Variants in GRM5 observed in about 807,000 individuals in gnomAD.
GRM5 encodes metabotropic glutamate receptor 5.
In GRM5, 19 loss-of-function variants were observed where a neutral mutation model predicts 83.1. That is an observed-to-expected ratio of 0.23 (90% CI 0.16 to 0.34). The LOEUF (loss-of-function observed/expected upper bound fraction) is 0.34, where lower values mean the gene tolerates loss of function less well. Among genes scored for constraint, GRM5 ranks in the 10% least tolerant of loss-of-function variants. The pLI is 1.00. For synonymous variants in GRM5, 675 were observed against 633.6 expected (o/e 1.07, Z -0.98); for missense variants, 1,160 against 1,588.3 (o/e 0.73, Z 4.58).
intron 2 of GRM5, among the ~76,000 whole-genome samples, chr11:88,872,109 C>T (rs193051099): frequency 7.1e-4 from 108 of 151,438 alleles, no homozygotes; most frequent in Middle Eastern, 3.4e-3. Context: ...CAGAGAGGAA[C>T]AAATTAACAT....
intron 2 of GRM5, among the ~76,000 whole-genome samples, chr11:89,030,115 T>C (rs1206698739): frequency 6.6e-6 from 1 of 152,138 alleles, no homozygotes; most frequent in Admixed American, 6.6e-5. Context: ...TTCAAAATAA[T>C]ACAATGACAA....
At position 89,037,264 on chromosome 11, in the gene GRM5, T is replaced by C. The variant is rs781328343; in HGVS notation, c.661+9948A>G. 7.2e-5 allele frequency among the ~76,000 whole-genome samples: 11 copies of C among 152,228 alleles called. No homozygotes were observed. In the South Asian group the frequency reaches 1.4e-3, roughly 20 times the overall value. On this transcript the variant is annotated intron_variant, in intron 2 of 9. Coordinates refer to ENST00000305447, the MANE Select transcript of GRM5 (RefSeq NM_001143831.3). Reference sequence around the variant, plus strand: ...TTTTGGCATTTATTTCTTAGTGTACTACATTGGGATATTAAAAATTAAAAT... The same window carrying C: ...TTTTGGCATTTATTTCTTAGTGTACCACATTGGGATATTAAAAATTAAAAT...
intron 1 of GRM5, among the ~76,000 whole-genome samples, chr11:89,059,868 T>A (rs899868593): frequency 2.4e-4 from 37 of 152,182 alleles, no homozygotes; most frequent in African/African-American, 8.7e-4. Context: ...GTTTTCCTTC[T>A]GCACCTATTG....
intron 2 of GRM5, among the ~76,000 whole-genome samples, chr11:88,877,993 C>T (rs200996691): frequency 7.3e-5 from 11 of 151,298 alleles, no homozygotes; most frequent in African/African-American, 2.7e-4. Flanking sequence ...TACCCTAAAA[C>T]TTAAAGTATA....
intron 2 of GRM5, among the ~76,000 whole-genome samples, chr11:88,989,456 A>G (rs1292939044): frequency 2.7e-5 from 3 of 111,968 alleles, no homozygotes; most frequent in African/African-American, 9.1e-5. Context: ...GATCAACAAG[A>G]CAGAAAGTCA....
chr11:88,823,526 CA>C (rs71265011), intron 3 of GRM5, among the ~76,000 whole-genome samples: 189 of 144,234 alleles, frequency 1.3e-3, no homozygotes, highest in East Asian at 0.013. Flanking sequence ...TAGGGGATTT[CA>C]AAAAAAAAAA....
chr11:88,698,272 G>T (rs1041826827), intron 3 of GRM5, among the ~76,000 whole-genome samples: 2 of 152,110 alleles, frequency 1.3e-5, no homozygotes, highest in African/African-American at 4.8e-5. Context: ...CCATGCTCTT[G>T]TTTGGTCTCT....
chr11:88,813,944 T>TTC (rs1014649705), intron 3 of GRM5, among the ~76,000 whole-genome samples: 1 of 151,444 alleles, frequency 6.6e-6, no homozygotes, highest in African/African-American at 2.4e-5. Flanking sequence ...GATTAACCAT[T>TTC]AATTCAAAAG....
chr11:88,868,992 C>T (rs1440711054), intron 2 of GRM5, among the ~76,000 whole-genome samples: 1 of 151,716 alleles, frequency 6.6e-6, no homozygotes, highest in Non-Finnish European at 1.5e-5. Context: ...CTCTGCTGCA[C>T]TAATGTCTGC....
At chr11:88,868,199 G>C (rs1262215429) in intron 2 of GRM5, among the ~76,000 whole-genome samples, 1 of 151,754 alleles carries the variant, frequency 6.6e-6, no homozygotes, top group Non-Finnish European at 1.5e-5. Flanking sequence ...TTCTGTCTTA[G>C]CTCTCATAAT....
chr11:88,636,389 G>C (rs1939121050), intron 4 of GRM5, among the ~76,000 whole-genome samples: 1 of 152,084 alleles, frequency 6.6e-6, no homozygotes, highest in Non-Finnish European at 1.5e-5. Context: ...GTATGCTCCT[G>C]TAATCCCAGA....
intron 2 of GRM5, among the ~76,000 whole-genome samples, chr11:88,977,872 T>C (rs1939391205): frequency 6.6e-6 from 1 of 152,212 alleles, no homozygotes; most frequent in African/African-American, 2.4e-5. Context: ...TAAATATAGG[T>C]AGAGAGAACA....
intron 2 of GRM5, among the ~76,000 whole-genome samples, chr11:88,986,226 T>G (rs529797198): frequency 6.6e-6 from 1 of 152,288 alleles, no homozygotes; most frequent in East Asian, 1.9e-4. Context: ...TAGAGAGTTA[T>G]GCTAAGTGAA....
At chr11:88,853,494 A>G (rs1428009724) in intron 2 of GRM5, among the ~76,000 whole-genome samples, 1 of 152,000 alleles carries the variant, frequency 6.6e-6, no homozygotes, top group African/African-American at 2.4e-5. Flanking sequence ...CAGCTAATGT[A>G]GTGAGATAAT....
At chr11:88,938,055 C>G (rs649890) in intron 2 of GRM5, among the ~76,000 whole-genome samples, 131,542 of 151,632 alleles carry the variant, frequency 0.87, 59,097 homozygotes, top group Non-Finnish European at 0.98. Context: ...AATATTCTCA[C>G]GACCAACAAG....
intron 2 of GRM5, among the ~76,000 whole-genome samples, chr11:88,980,778 T>C (rs913814447): frequency 6.6e-6 from 1 of 151,792 alleles, no homozygotes; most frequent in African/African-American, 2.4e-5. Context: ...AGCCGAAATC[T>C]CACCACTGCA....
chr11:88,851,205 T>C (rs1221626650), intron 2 of GRM5, among the ~76,000 whole-genome samples: 2 of 152,196 alleles, frequency 1.3e-5, no homozygotes, highest in African/African-American at 4.8e-5. Flanking sequence ...TTAGATATTT[T>C]TGGAACATTT....
chr11:88,782,570 G>T (rs1499189), intron 3 of GRM5, among the ~76,000 whole-genome samples: 32,808 of 152,054 alleles, frequency 0.22, 4,707 homozygotes, highest in Non-Finnish European at 0.32. Context: ...CCATATCAAT[G>T]GGTAACTTTT....
intron 2 of GRM5, among the ~76,000 whole-genome samples, chr11:89,014,789 C>A (rs1370298056): frequency 6.6e-6 from 1 of 152,066 alleles, no homozygotes; most frequent in East Asian, 1.9e-4. Flanking sequence ...TCATGTAACC[C>A]ATAAATATAT....
Sources: gnomAD v4.1 joint callset for allele counts (sites outside exome capture counted in the v4.1 genomes callset) on GRCh38, gnomAD v4.1.1 for gene constraint, MANE v1.5 for transcripts, NCBI Gene and HGNC (gene_info 2026-07-23, HGNC 2026-07-21) for gene names.